MINK1: variants seen among roughly 807,000 people sequenced by gnomAD.
MINK1 encodes the protein misshapen-like kinase 1.
MINK1 carries 46 observed loss-of-function variants against 178.4 expected under a neutral mutation model. The observed-to-expected ratio is 0.26, with a 90% confidence interval of 0.20 to 0.33. The LOEUF is 0.33. Ranked by LOEUF, MINK1 falls within the 10% of genes least tolerant of loss-of-function variation. The pLI is 1.00. For missense variants in MINK1, 1,366 were observed against 1,814.9 expected (o/e 0.75, Z 4.49); for synonymous variants, 797 against 709.7 (o/e 1.12, Z -1.96).
In MINK1 at chr17:4,847,050, C is replaced by T. The variant is rs375840556; in HGVS notation, c.57+13410C>T. On this transcript the variant is annotated intron_variant, in intron 1 of 31. Transcript: ENST00000355280. ...AACAATGAACATACCTGCTACTGCCCGGATCTCCTGTCCTGGCCTCATAAC... is the reference window on the plus strand; with the variant it reads ...AACAATGAACATACCTGCTACTGCCTGGATCTCCTGTCCTGGCCTCATAAC... The T allele has an allele frequency of 6.5e-5, 26 of 399,990 alleles. No individual in the cohort carries two copies. In the East Asian group the frequency reaches 6.7e-4, roughly 10 times the overall value. The allele number at this position is 399,990 out of a possible 1,614,324, so 24.8% of individuals were successfully genotyped here.
chr17:4,872,367 G>A (rs1391757986), intron 1 of MINK1, among the ~76,000 whole-genome samples: 1 of 151,364 alleles, frequency 6.6e-6, no homozygotes, highest in Non-Finnish European at 1.5e-5. Flanking sequence ...AGTCAGGCAT[G>A]GTGCCTCACC....
chr17:4,839,939 A>ATGTGTGTGTGTGTGTG (rs34473686), intron 1 of MINK1, among the ~76,000 whole-genome samples: 8 of 141,886 alleles, frequency 5.6e-5, no homozygotes, highest in Non-Finnish European at 1.1e-4. Context: ...TTATTTATTA[A>ATGTGTGTGTGTGTGTG]TGTGTGTGTG....
chr17:4,867,159 T>G (rs1249351962), intron 1 of MINK1, among the ~76,000 whole-genome samples: 3 of 141,606 alleles, frequency 2.1e-5, no homozygotes, highest in East Asian at 2.0e-4. Flanking sequence ...TTTTTTTTTT[T>G]TTTTTTAAGC....
At chr17:4,884,280 G>A (rs376719813) in intron 4 of MINK1, 83 bp from the exon 5 acceptor site, 11 of 1,058,946 alleles carry the variant, frequency 1.0e-5, no homozygotes, top group African/African-American at 9.3e-5. Flanking sequence ...TCCTCCTCCA[G>A]GAGTCTAGCA....
Position 4,895,327 on chromosome 17 carries a change from C to T in MINK1, c.3086-23C>T. Reference sequence around the variant, plus strand: ...GTGAGGGCCTGGCTGAGCCTCTGACCTGCCCAAGGGCTCCTGTTGCAGGGG... The same window carrying T: ...GTGAGGGCCTGGCTGAGCCTCTGACTTGCCCAAGGGCTCCTGTTGCAGGGG... On this transcript the variant is annotated intron_variant, in intron 25 of 31. Transcript: ENST00000355280. The surrounding 1 kb of genome is among the most constrained non-coding windows in gnomAD (Gnocchi z 4.3). The T allele has an allele frequency of 6.2e-7, 1 of 1,604,156 alleles. No homozygotes were observed. Among genetic ancestry groups the T allele is most frequent in the Non-Finnish European group, 8.5e-7 (1 of 1,173,900 alleles).
At position 4,896,067 on chromosome 17, in the gene MINK1, G is replaced by A; in HGVS notation, c.3429G>A (p.Trp1143Ter). The A allele has an allele frequency of 6.2e-7, 1 of 1,607,824 alleles. No individual in the cohort carries two copies. The highest frequency in any genetic ancestry group is 1.7e-5 in the Admixed American group (1 of 59,156). The change falls in exon 28 of 32, where the codon TGG (tryptophan) becomes TGA (stop). Residue 1143 changes from tryptophan to a stop codon, truncating the protein, a stop_gained. Coordinates refer to ENST00000355280, the MANE Select transcript of MINK1 (RefSeq NM_153827.5). LOFTEE classifies it high-confidence loss of function. The surrounding 1 kb of genome is among the most constrained non-coding windows in gnomAD (Gnocchi z 4.6). ...ALKSSVEVYA[W>*]APKPYHKFMA... ...AGAGCTCCGTGGAGGTGTATGCCTG[G>A]GCCCCCAAACCCTACCACAAATTCA...
chr17:4,883,974 A>G (rs937179996), intron 4 of MINK1, among the ~76,000 whole-genome samples: 4 of 149,222 alleles, frequency 2.7e-5, no homozygotes, highest in Non-Finnish European at 5.9e-5. Context: ...TTGGACTCCT[A>G]CTCTAAACCC....
intron 5 of MINK1, among the ~76,000 whole-genome samples, 173 bp from the exon 6 acceptor site, chr17:4,884,739 G>A (rs977264962): frequency 6.6e-6 from 1 of 152,198 alleles, no homozygotes; most frequent in Non-Finnish European, 1.5e-5. Flanking sequence ...CCACCTCTCT[G>A]AGGAAGCTCT....
rs71367860 is a variant in MINK1 at position 4,873,617 on chromosome 17, C to CTTTTTTTTTTTTTTTTTTTTTT, written c.58-4681_58-4680insTTTTTTTTTTTTTTTTTTTTTT. Among the ~76,000 whole-genome samples, 10 of 108,086 alleles carry CTTTTTTTTTTTTTTTTTTTTTT rather than the reference C, an allele frequency of 9.3e-5. 2 individuals carry two copies. Among genetic ancestry groups the CTTTTTTTTTTTTTTTTTTTTTT allele is most frequent in the Non-Finnish European group, 1.1e-4 (6 of 52,224 alleles). 70.9% of individuals were successfully genotyped at this position (108,086 alleles called of 152,430 possible). A position where few individuals can be genotyped will look rare whatever the true frequency, so the allele number is the denominator to read the frequency against. ...GGTCTTCGCCACTCTTTTTTCTTTT[C>CTTTTTTTTTTTTTTTTTTTTTT]TTTTTTTTTTTTTTTTTTTGAGAAG... On this transcript the variant is annotated intron_variant, in intron 1 of 31. Transcript: ENST00000355280.
At chr17:4,840,748 G>C (rs1910092175) in intron 1 of MINK1, among the ~76,000 whole-genome samples, 1 of 152,228 alleles carries the variant, frequency 6.6e-6, no homozygotes, top group Non-Finnish European at 1.5e-5. Flanking sequence ...AGTAAAGGAT[G>C]AGTGGGGTGT....
At chr17:4,857,774 CTCTT>C (rs532865719) in intron 1 of MINK1, among the ~76,000 whole-genome samples, 1 of 152,006 alleles carries the variant, frequency 6.6e-6, no homozygotes, top group South Asian at 2.1e-4. Context: ...AGCCAAGATG[CTCTT>C]TCTTACCACA....
intron 21 of MINK1, 39 bp downstream of exon 21, chr17:4,893,636 C>A: frequency 6.6e-7 from 1 of 1,504,054 alleles, no homozygotes; most frequent in Non-Finnish European, 8.9e-7. Flanking sequence ...CTCCAAGGCA[C>A]AGGGAGGGAG....
chr17:4,894,790 C>CT lies in MINK1; in HGVS notation c.2917+158dup. The CT allele has an allele frequency of 1.5e-6, 1 of 655,752 alleles. No individual in the cohort carries two copies. Among genetic ancestry groups the CT allele is most frequent in the Non-Finnish European group, 2.6e-6 (1 of 379,638 alleles). 40.6% of individuals were successfully genotyped at this position (655,752 alleles called of 1,614,324 possible). A position where few individuals can be genotyped will look rare whatever the true frequency, so the allele number is the denominator to read the frequency against. ...TGGGCACAGAGGCAAGGAAGAGCCT[C>CT]TGAGACCCCTCCTTCCTGTCCCACA... On this transcript the variant is annotated intron_variant, in intron 24 of 31. Transcript: ENST00000355280. The surrounding 1 kb of genome is among the most constrained non-coding windows in gnomAD (Gnocchi z 4.1).
intron 1 of MINK1, among the ~76,000 whole-genome samples, chr17:4,838,497 C>T (rs548493703): frequency 3.9e-5 from 6 of 152,246 alleles, no homozygotes; most frequent in East Asian, 1.9e-4. Context: ...CATTCCTTTC[C>T]GCATTGAACT....
At chr17:4,880,213 C>T (rs974295766) in intron 2 of MINK1, among the ~76,000 whole-genome samples, 1 of 152,028 alleles carries the variant, frequency 6.6e-6, no homozygotes, top group Admixed American at 6.6e-5. Context: ...GCCATGATGG[C>T]TCAGGAGCGC....
intron 15 of MINK1, 32 bp from the exon 16 acceptor site, chr17:4,891,424 G>A: frequency 2.6e-6 from 4 of 1,524,816 alleles, no homozygotes; most frequent in Non-Finnish European, 3.5e-6. Context: ...CCATGGAGCA[G>A]GCAGCCCACC....
rs1969671742 is a variant in MINK1, at chr17:4,897,463, CCTCTTCCCCAA to C, written c.*178_*188del. 1.7e-6 allele frequency: 1 copy of C among 592,756 alleles called. No individual in the cohort carries two copies. The highest frequency in any genetic ancestry group is 3.1e-5 in the Admixed American group (1 of 32,596). The allele number at this position is 592,756 out of a possible 1,614,324, so 36.7% of individuals were successfully genotyped here. On this transcript the variant is annotated 3_prime_UTR_variant, in exon 32 of 32. Coordinates refer to ENST00000355280, the MANE Select transcript of MINK1 (RefSeq NM_153827.5). ...GATGCTTTCGTGATCACGTGACCAT[CCTCTTCCCCAA>C]CATGTCCTCTTCCCAAAACTGTGCC...
rs1039127854 is a variant in MINK1, at chr17:4,854,516, ATG to A, written c.57+20880_57+20881del. Among the ~76,000 whole-genome samples the A allele has an allele frequency of 2.2e-4, 33 of 152,300 alleles. 1 individual carries two copies. The highest frequency in any genetic ancestry group is 5.9e-5 in the Non-Finnish European group (4 of 68,022). On this transcript the variant is annotated intron_variant, in intron 1 of 31. Transcript: ENST00000355280. ...ATGAGAATGGTATGTGTATTCATGT[ATG>A]TGTCATGTCCTGACTTGTTTCTGCC...
intron 1 of MINK1, among the ~76,000 whole-genome samples, chr17:4,852,464 G>T (rs536100792): frequency 2.3e-4 from 35 of 151,946 alleles, no homozygotes; most frequent in African/African-American, 8.0e-4. Context: ...CATTGTCTCA[G>T]TGGAGGTCGG....
Sources: allele counts gnomAD v4.1 joint callset (sites outside exome capture counted in the v4.1 genomes callset), GRCh38; gene constraint gnomAD v4.1.1; non-coding constraint Gnocchi (gnomAD v3.1); transcripts MANE v1.5; gene names NCBI Gene and HGNC (gene_info 2026-07-23, HGNC 2026-07-21).